Variants in THSD4 observed in about 807,000 individuals in gnomAD.
THSD4 encodes the protein thrombospondin type-1 domain-containing protein 4.
A neutral mutation model predicts 119.0 loss-of-function variants in THSD4; 69 were observed. The observed-to-expected ratio is 0.58, with a 90% CI of 0.48 to 0.71. THSD4 has a LOEUF of 0.71. Ranked by LOEUF, THSD4 falls within the 30% of genes least tolerant of loss-of-function variation. The pLI is 0.00. For synonymous variants in THSD4, 524 were observed against 540.4 expected (o/e 0.97, Z 0.42); for missense variants, 1,393 against 1,391.1 (o/e 1.00, Z -0.02).
chr15:71,547,668 A>G (rs1005621071), intron 7 of THSD4: 12 of 682,472 alleles, frequency 1.8e-5, no homozygotes, highest in South Asian at 2.5e-5. Flanking sequence ...GAAGAATTTT[A>G]TACTTTCTAA....
At chr15:71,276,631 G>T (rs1036434190) in intron 6 of THSD4, among the ~76,000 whole-genome samples, 1 of 152,126 alleles carries the variant, frequency 6.6e-6, no homozygotes, top group Non-Finnish European at 1.5e-5. Context: ...GATTAATCCT[G>T]CTAGTTGCTC....
chr15:71,255,579 G>C (rs2044306046), intron 5 of THSD4, among the ~76,000 whole-genome samples: 1 of 152,148 alleles, frequency 6.6e-6, no homozygotes, highest in East Asian at 1.9e-4. Context: ...AAGATCTCTG[G>C]GTGATTGTTT....
chr15:71,392,973 G>C (rs1024581930), intron 6 of THSD4, among the ~76,000 whole-genome samples: 2 of 152,204 alleles, frequency 1.3e-5, no homozygotes, highest in Admixed American at 6.5e-5. Flanking sequence ...AGGGAGCCGG[G>C]ACTGCTGAAT....
chr15:71,112,629 A>G (rs2040314288), upstream of THSD4, among the ~76,000 whole-genome samples: 1 of 152,216 alleles, frequency 6.6e-6, no homozygotes, highest in Non-Finnish European at 1.5e-5. Flanking sequence ...CTGACATGCC[A>G]GGCAGGCCCC....
intron 3 of THSD4, among the ~76,000 whole-genome samples, chr15:71,165,654 T>C (rs904776894): frequency 6.6e-6 from 1 of 152,150 alleles, no homozygotes; most frequent in Non-Finnish European, 1.5e-5. Context: ...TCTGTACAGA[T>C]TTTTCAACTG....
At chr15:71,099,433 G>A (rs189281343) in intron 1 of THSD4, among the ~76,000 whole-genome samples, 4 of 152,162 alleles carry the variant, frequency 2.6e-5, no homozygotes, top group Non-Finnish European at 5.9e-5. Flanking sequence ...TTTGGATTTT[G>A]TATTCTGAAA....
chr15:71,248,162 C>T (rs993311735), intron 5 of THSD4, among the ~76,000 whole-genome samples: 3 of 152,122 alleles, frequency 2.0e-5, no homozygotes, highest in African/African-American at 7.2e-5. Context: ...TGCCTCTGGT[C>T]CCAGTTACCC....
At chr15:71,259,276 C>T (rs2044361605) in intron 6 of THSD4, among the ~76,000 whole-genome samples, 1 of 152,072 alleles carries the variant, frequency 6.6e-6, no homozygotes, top group Admixed American at 6.6e-5. Context: ...AGGAAGCATC[C>T]TTGCCTAGAG....
chr15:71,222,948 C>T (rs1040616119), intron 4 of THSD4, among the ~76,000 whole-genome samples: 3 of 152,116 alleles, frequency 2.0e-5, no homozygotes, highest in Non-Finnish European at 4.4e-5. Context: ...TGTATCCTGC[C>T]GATGTTACTT....
intron 5 of THSD4, among the ~76,000 whole-genome samples, chr15:71,245,713 C>T (rs1475839911): frequency 6.6e-6 from 1 of 152,174 alleles, no homozygotes; most frequent in Non-Finnish European, 1.5e-5. Context: ...GTCACATAGG[C>T]ACCCTCTGCC....
chr15:71,187,747 A>G (rs1024420174), intron 3 of THSD4, among the ~76,000 whole-genome samples: 8 of 152,270 alleles, frequency 5.3e-5, no homozygotes, highest in African/African-American at 1.9e-4. Context: ...TAAAAGCAGC[A>G]TGTCACTTAC....
chr15:71,372,133 G>A (rs754142436), intron 6 of THSD4, among the ~76,000 whole-genome samples: 1 of 152,144 alleles, frequency 6.6e-6, no homozygotes, highest in Non-Finnish European at 1.5e-5. Flanking sequence ...GCTCCATCAG[G>A]TCATTTAAGG....
In THSD4 at chr15:71,564,741, A is replaced by T. The variant is rs12913040; in HGVS notation, c.1153-95789A>T. ...TATTGTATATTATAACATATAATAC[A>T]ATATATAGTATAACATATAATACAA... On this transcript the variant is annotated intron_variant, in intron 7 of 17. Transcript: ENST00000261862. 3.5e-4 allele frequency among the ~76,000 whole-genome samples: 3 copies of T among 8,478 alleles called. 1 individual carries two copies. The highest frequency in any genetic ancestry group is 1.3e-3 in the South Asian group (1 of 744). The allele number at this position is 8,478 out of a possible 152,430, so 5.6% of individuals were successfully genotyped here.
chr15:71,379,450 C>CGTTTTTTTTTTTTT (rs1566962165), intron 6 of THSD4, among the ~76,000 whole-genome samples: 1 of 77,562 alleles, frequency 1.3e-5, no homozygotes. Context: ...CAAATGGCTT[C>CGTTTTTTTTTTTTT]TTTTTTTTTT....
intron 7 of THSD4, among the ~76,000 whole-genome samples, chr15:71,629,120 T>C (rs991081611): frequency 2.0e-5 from 3 of 152,270 alleles, no homozygotes; most frequent in Admixed American, 2.0e-4. Context: ...CTACATCCAA[T>C]CTGTCACCGG....
rs555623377 is a variant in THSD4 at position 71,699,244 on chromosome 15, G to A, written c.1358-29305G>A. Among the ~76,000 whole-genome samples the A allele has an allele frequency of 6.3e-3, 309 of 48,912 alleles. 28 individuals are homozygous for A. The highest frequency in any genetic ancestry group is 0.02 in the Admixed American group (69 of 3,460). The allele number at this position is 48,912 out of a possible 152,430, so 32.1% of individuals were successfully genotyped here. ...TTTTTTTTTTTTGAGACGGAGTCTCGCTCTGTCGCCCAGGCTGGAGTGCAG... is the reference window on the plus strand; with the variant it reads ...TTTTTTTTTTTTGAGACGGAGTCTCACTCTGTCGCCCAGGCTGGAGTGCAG... On this transcript the variant is annotated intron_variant, in intron 8 of 17. Transcript: ENST00000261862.
Position 71,746,855 on chromosome 15 carries a change from G to C in THSD4, c.2054G>C (p.Trp685Ser). 1 of 1,614,002 alleles carries C rather than the reference G, an allele frequency of 6.2e-7. No individual in the cohort carries two copies. Among genetic ancestry groups the C allele is most frequent in the Non-Finnish European group, 8.5e-7 (1 of 1,180,026 alleles). The change falls in exon 13 of 18, where the codon TGG (tryptophan) becomes TCG (serine). Residue 685 changes from tryptophan to serine, a missense_variant. Physicochemically the swap from Trp to Ser is radical, Grantham distance 177 (BLOSUM62 -3). Transcript: ENST00000261862. ...TGAACCAGCTGGGACATCGGGGAGT[G>C]GTCTGAGTGCAGCAAGACCTGTGGC... ...PCPAFWDIGE[W>S]SECSKTCGLG...
rs1210856261 is a variant in THSD4 at position 71,532,283 on chromosome 15, AGTGTGTGT to A, written c.1152+120502_1152+120509del. Among the ~76,000 whole-genome samples the A allele has an allele frequency of 2.2e-3, 219 of 101,588 alleles. 1 individual carries two copies. The highest frequency in any genetic ancestry group is 4.9e-3 in the South Asian group (12 of 2,466). 66.6% of individuals were successfully genotyped at this position (101,588 alleles called of 152,430 possible). A position where few individuals can be genotyped will look rare whatever the true frequency, so the allele number is the denominator to read the frequency against. On this transcript the variant is annotated intron_variant, in intron 7 of 17. Coordinates refer to ENST00000261862, the MANE Select transcript of THSD4 (RefSeq NM_024817.3). ...AAGGGTGAGAGAGAGAGAGAGAGAG[AGTGTGTGT>A]GTGTGTGTGTGTGTGTGTGTGTGTG...
intron 5 of THSD4, among the ~76,000 whole-genome samples, chr15:71,253,425 G>A (rs1219564083): frequency 6.8e-6 from 1 of 146,882 alleles, no homozygotes; most frequent in Non-Finnish European, 1.5e-5. Context: ...TTTTTTTTTT[G>A]GAGACAGAGT....
Sources: allele counts gnomAD v4.1 joint callset (sites outside exome capture counted in the v4.1 genomes callset), GRCh38; gene constraint gnomAD v4.1.1; transcripts MANE v1.5; gene names NCBI Gene and HGNC (gene_info 2026-07-23, HGNC 2026-07-21).